Variants in ZNF736 observed in about 807,000 individuals in gnomAD.
ZNF736 encodes the protein zinc finger protein 736.
In ZNF736, 6 loss-of-function variants were observed where a neutral mutation model predicts 11.7. The ratio of observed to expected loss-of-function variants is 0.51; its 90% confidence interval spans 0.28 to 1.01. ZNF736 has a LOEUF of 1.01. Ranked by LOEUF, ZNF736 falls within the 50% of genes least tolerant of loss-of-function variation. The pLI is 0.09. For missense variants in ZNF736, 444 were observed against 496.0 expected, an observed-to-expected ratio of 0.90 and a Z score of 1.00; for synonymous variants, 139 against 164.7, an observed-to-expected ratio of 0.84 and a Z score of 1.19.
Position 64,319,349 on chromosome 7 carries a change from A to G in ZNF736, c.3+5196A>G, listed in dbSNP as rs867474882. On this transcript the variant is annotated intron_variant, in intron 1 of 3. Coordinates refer to ENST00000423484, the MANE Select transcript of ZNF736 (RefSeq NM_001170905.3). ...TGTGTATGTGTATATATATATATAT[A>G]TATATATATATATATATATATATAT... Among the ~76,000 whole-genome samples the G allele has an allele frequency of 4.2e-3, 442 of 105,826 alleles. 10 individuals are homozygous for G. Among genetic ancestry groups the G allele is most frequent in the African/African-American group, 0.017 (375 of 22,718 alleles). The allele number at this position is 105,826 out of a possible 152,430, so 69.4% of individuals were successfully genotyped here. A position where few individuals can be genotyped will look rare whatever the true frequency, so the allele number is the denominator to read the frequency against.
intron 3 of ZNF736, among the ~76,000 whole-genome samples, chr7:64,342,596 TTTATC>T (rs1167250637): frequency 1.3e-5 from 2 of 152,054 alleles, no homozygotes; most frequent in Non-Finnish European, 2.9e-5. Flanking sequence ...ATTTTATAAT[TTTATC>T]TTCTTTACTA....
chr7:64,322,235 A>C (rs767995903), intron 1 of ZNF736, among the ~76,000 whole-genome samples: 1 of 152,078 alleles, frequency 6.6e-6, no homozygotes, highest in Non-Finnish European at 1.5e-5. Flanking sequence ...TTTAGGGATT[A>C]TGCTGTTGTT....
intron 3 of ZNF736, among the ~76,000 whole-genome samples, chr7:64,346,265 G>T (rs1036714481): frequency 2.6e-5 from 4 of 151,506 alleles, no homozygotes; most frequent in Non-Finnish European, 5.9e-5. Flanking sequence ...TTAATAAATT[G>T]TTGCCTCTTC....
At chr7:64,336,522 G>A (rs1477223962) in intron 2 of ZNF736, 137 bp downstream of exon 2, 4 of 906,558 alleles carry the variant, frequency 4.4e-6, no homozygotes, top group Admixed American at 3.4e-5. Context: ...ATCTGTTGAG[G>A]TAGAAAATAT....
At position 64,352,672 on chromosome 7, in the gene ZNF736, G is replaced by A. The variant is rs941500393; in HGVS notation, c.*3525G>A. On this transcript the variant is annotated 3_prime_UTR_variant, in exon 4 of 4. Coordinates refer to ENST00000423484, the MANE Select transcript of ZNF736 (RefSeq NM_001170905.3). ...TTCCAGTGAGAAGGAATGAAACGGG[G>A]GACCTGCTTTAACAGGCAGTCTGGC... is the stretch of plus-strand genomic sequence containing the variant. The A allele has an allele frequency of 2.6e-5, 4 of 152,260 alleles. No individual in the cohort carries two copies. Among genetic ancestry groups the A allele is most frequent in the African/African-American group, 9.7e-5 (4 of 41,444 alleles). The allele number at this position is 152,260 out of a possible 1,614,324, so 9.4% of individuals were successfully genotyped here.
At chr7:64,330,044 C>T (rs890699292) in intron 1 of ZNF736, among the ~76,000 whole-genome samples, 1 of 152,142 alleles carries the variant, frequency 6.6e-6, no homozygotes, top group African/African-American at 2.4e-5. Context: ...ACCCAGAGTC[C>T]ACAACAAGTA....
Position 64,316,977 on chromosome 7 carries a change from C to A in ZNF736, c.3+2824C>A, listed in dbSNP as rs181681065. On this transcript the variant is annotated intron_variant, in intron 1 of 3. Coordinates refer to ENST00000423484, the MANE Select transcript of ZNF736 (RefSeq NM_001170905.3). ...CATGATGCCTGCAGAAAAATAAATA[C>A]ATTTCTACAAGAAAGTGTGGTAGAT... Among the ~76,000 whole-genome samples the A allele has an allele frequency of 5.9e-5, 9 of 152,248 alleles. No homozygotes were observed. In the East Asian group the frequency reaches 1.7e-3, roughly 29 times the overall value.
At chr7:64,328,594 A>G (rs750173042) in intron 1 of ZNF736, among the ~76,000 whole-genome samples, 52 of 152,126 alleles carry the variant, frequency 3.4e-4, no homozygotes, top group Non-Finnish European at 4.7e-4. Flanking sequence ...CCCCGTCTCT[A>G]CTTAAAAAAT....
intron 1 of ZNF736, among the ~76,000 whole-genome samples, chr7:64,321,139 A>G (rs1301932589): frequency 6.6e-6 from 1 of 152,214 alleles, no homozygotes; most frequent in Non-Finnish European, 1.5e-5. Context: ...GTTGCTGATT[A>G]TAGTGCTGGG....
intron 1 of ZNF736, among the ~76,000 whole-genome samples, chr7:64,331,486 C>T (rs1010005284): frequency 6.6e-6 from 1 of 152,202 alleles, no homozygotes; most frequent in Non-Finnish European, 1.5e-5. Flanking sequence ...TCTTCACTGC[C>T]TCTTTGATTT....
At chr7:64,337,755 G>GTTTTTTTTTTTTTTTTT (rs147991832) in intron 3 of ZNF736, among the ~76,000 whole-genome samples, 3 of 86,236 alleles carry the variant, frequency 3.5e-5, no homozygotes, top group Non-Finnish European at 6.1e-5. Context: ...TGTTTTTTTT[G>GTTTTTTTTTTTTTTTTT]GTTTTTTTTT....
At chr7:64,326,582 ATTTT>A (rs1226459665) in intron 1 of ZNF736, among the ~76,000 whole-genome samples, 1 of 151,236 alleles carries the variant, frequency 6.6e-6, no homozygotes, top group Non-Finnish European at 1.5e-5. Flanking sequence ...TATAGTTTTT[ATTTT>A]TTCCTTCTAA....
At chr7:64,314,765 A>G (rs1233005340) in intron 1 of ZNF736, among the ~76,000 whole-genome samples, 1 of 152,014 alleles carries the variant, frequency 6.6e-6, no homozygotes, top group Non-Finnish European at 1.5e-5. Context: ...GGCTTTTGCC[A>G]TGTTGCTCAG....
Position 64,349,268 on chromosome 7 carries a change from T to G in ZNF736, c.*121T>G. 1 of 926,980 alleles carries G rather than the reference T, an allele frequency of 1.1e-6. No homozygotes were observed. The highest frequency in any genetic ancestry group is 1.5e-6 in the Non-Finnish European group (1 of 646,162). 57.4% of individuals were successfully genotyped at this position (926,980 alleles called of 1,614,324 possible). On this transcript the variant is annotated 3_prime_UTR_variant, in exon 4 of 4. Coordinates refer to ENST00000423484, the MANE Select transcript of ZNF736 (RefSeq NM_001170905.3). ...AACATTTATCATCTTAGAGGGTCTC[T>G]AAGAACTTACTTTATAATCTGGTTG...
rs1370552460 is a variant in ZNF736 at position 64,354,296 on chromosome 7, T to C, written c.*5149T>C. Reference sequence around the variant, plus strand: ...TTTGGTTTACATGGATTTAAATATATAGATATATCACTGTAAAATAAACTT... The same window carrying C: ...TTTGGTTTACATGGATTTAAATATACAGATATATCACTGTAAAATAAACTT... On this transcript the variant is annotated 3_prime_UTR_variant, in exon 4 of 4. Transcript: ENST00000423484. 6.6e-6 allele frequency: 1 copy of C among 152,130 alleles called. No individual in the cohort carries two copies. Among genetic ancestry groups the C allele is most frequent in the Non-Finnish European group, 1.5e-5 (1 of 68,000 alleles). The allele number at this position is 152,130 out of a possible 1,614,324, so 9.4% of individuals were successfully genotyped here. A position where few individuals can be genotyped will look rare whatever the true frequency, so the allele number is the denominator to read the frequency against.
chr7:64,344,256 G>A (rs190017171), intron 3 of ZNF736, among the ~76,000 whole-genome samples: 7 of 152,106 alleles, frequency 4.6e-5, no homozygotes, highest in African/African-American at 1.2e-4. Flanking sequence ...GAGCCAAGAC[G>A]GCACCACTGC....
In ZNF736 at chr7:64,314,154, G is replaced by GTGA. The variant is rs1437530849; in HGVS notation, c.3+2_3+4dup. The stretch of plus-strand genomic sequence containing the variant: ...CGGAACATCTGGAGGCTGGGAAATG[G>GTGA]TGAGTGCGTGGAGTGGGTGTCCCGA... On this transcript the variant is annotated splice_donor_variant, in intron 1 of 3. Coordinates refer to ENST00000423484, the MANE Select transcript of ZNF736 (RefSeq NM_001170905.3). LOFTEE classifies it high-confidence loss of function. 3 of 1,552,240 alleles carry GTGA rather than the reference G, an allele frequency of 1.9e-6. No homozygotes were observed. The highest frequency in any genetic ancestry group is 2.6e-6 in the Non-Finnish European group (3 of 1,147,346).
chr7:64,322,917 C>T (rs1246894932), intron 1 of ZNF736, among the ~76,000 whole-genome samples: 1 of 152,170 alleles, frequency 6.6e-6, no homozygotes, highest in Non-Finnish European at 1.5e-5. Context: ...TACAAAACTA[C>T]TTAGTCACTC....
In ZNF736 at chr7:64,350,932, A is replaced by T. The variant is rs1789478159; in HGVS notation, c.*1785A>T. ...GATTTGGAGTTTGCGAGTTTGTGGG[A>T]TGAAGGTGCCATAGCTGGAGCAGAG... is the stretch of plus-strand genomic sequence containing the variant. On this transcript the variant is annotated 3_prime_UTR_variant, in exon 4 of 4. Coordinates refer to ENST00000423484, the MANE Select transcript of ZNF736 (RefSeq NM_001170905.3). 6.6e-6 allele frequency: 1 copy of T among 152,214 alleles called. No individual in the cohort carries two copies. Among genetic ancestry groups the T allele is most frequent in the African/African-American group, 2.4e-5 (1 of 41,356 alleles). 9.4% of individuals were successfully genotyped at this position (152,214 alleles called of 1,614,324 possible).
Sources: gnomAD v4.1 joint callset for allele counts (sites outside exome capture counted in the v4.1 genomes callset) on GRCh38, gnomAD v4.1.1 for gene constraint, MANE v1.5 for transcripts, NCBI Gene and HGNC (gene_info 2026-07-23, HGNC 2026-07-21) for gene names.